The following CHAT variants were observed in gnomAD, a reference collection of about 807,000 sequenced individuals.
The protein encoded by CHAT is acetyl CoA:choline O-acetyltransferase.
A neutral mutation model predicts 76.9 loss-of-function variants in CHAT; 61 were observed. The ratio of observed to expected loss-of-function variants is 0.79; its 90% CI spans 0.65 to 0.98. The LOEUF (loss-of-function observed/expected upper bound fraction) is 0.98, where lower values mean the gene tolerates loss of function less well. CHAT is among the 50% of genes least tolerant of loss of function. The pLI, the probability that CHAT is intolerant of heterozygous loss-of-function variation, is 0.00. For synonymous variants in CHAT, 407 were observed against 397.4 expected (o/e 1.02, Z -0.29); for missense variants, 946 against 986.9 (o/e 0.96, Z 0.56).
intron 7 of CHAT, among the ~76,000 whole-genome samples, chr10:49,640,253 C>G (rs1839436110): frequency 6.6e-6 from 1 of 152,068 alleles, no homozygotes; most frequent in Non-Finnish European, 1.5e-5. Context: ...CTCAATGCAG[C>G]CTCCGCCTCC....
chr10:49,627,879 A>C, intron 7 of CHAT, 94 bp downstream of exon 7: 1 of 1,417,962 alleles, frequency 7.1e-7, no homozygotes, highest in Non-Finnish European at 9.6e-7. Context: ...CCTCATCCCC[A>C]TCAGCCATAG....
intron 7 of CHAT, among the ~76,000 whole-genome samples, chr10:49,640,746 T>C (rs1839452409): frequency 1.3e-5 from 2 of 152,322 alleles, no homozygotes; most frequent in Non-Finnish European, 2.9e-5. Flanking sequence ...TTTTTCTCTG[T>C]GGTGTTTGGC....
intron 8 of CHAT, among the ~76,000 whole-genome samples, chr10:49,647,501 T>TAG (rs1422629886): frequency 6.6e-6 from 1 of 152,244 alleles, no homozygotes; most frequent in African/African-American, 2.4e-5. Flanking sequence ...TAAGCATATC[T>TAG]AGACAACACC....
At chr10:49,643,926 A>C (rs1018131327) in intron 7 of CHAT, among the ~76,000 whole-genome samples, 1 of 152,180 alleles carries the variant, frequency 6.6e-6, no homozygotes, top group African/African-American at 2.4e-5. Context: ...AGGGGCTGCA[A>C]GTGCTGACTG....
intron 2 of CHAT, 33 bp from the exon 3 acceptor site, chr10:49,619,690 CTA>C: frequency 6.3e-7 from 1 of 1,596,148 alleles, no homozygotes; most frequent in Non-Finnish European, 8.5e-7. Flanking sequence ...GGCGCACATA[CTA>C]GAGGCACAAT....
chr10:49,641,018 A>T (rs1839462054), intron 7 of CHAT, among the ~76,000 whole-genome samples: 1 of 152,172 alleles, frequency 6.6e-6, no homozygotes, highest in Non-Finnish European at 1.5e-5. Flanking sequence ...ACAGACATTT[A>T]TTTCTCACAG....
chr10:49,651,592 A>G, intron 10 of CHAT: 1 of 425,584 alleles, frequency 2.3e-6, no homozygotes, highest in South Asian at 2.3e-5. Flanking sequence ...TTAATCCCTG[A>G]CTCACTAACA....
At chr10:49,660,443 G>GAA (rs58309202) in intron 13 of CHAT, among the ~76,000 whole-genome samples, 2 of 142,980 alleles carry the variant, frequency 1.4e-5, no homozygotes, top group Non-Finnish European at 3.0e-5. Context: ...CTCCATCTCA[G>GAA]AAAAAAAAAA....
rs542644474 is a variant in CHAT, at chr10:49,665,195, G to T, written c.*149G>T. ...CCATACAGAGACATCACACAGAGCC[G>T]GAGTGTTAGGAGGAAAGGGTCCCCT... On this transcript the variant is annotated 3_prime_UTR_variant, in exon 15 of 15. Coordinates refer to ENST00000337653, the MANE Select transcript of CHAT (RefSeq NM_020549.5). 48 of 853,024 alleles carry T rather than the reference G, an allele frequency of 5.6e-5. No homozygotes were observed. Among genetic ancestry groups the T allele is most frequent in the Admixed American group, 9.9e-5 (5 of 50,616 alleles). The allele number at this position is 853,024 out of a possible 1,614,324, so 52.8% of individuals were successfully genotyped here. A position where few individuals can be genotyped will look rare whatever the true frequency, so the allele number is the denominator to read the frequency against.
intron 4 of CHAT, among the ~76,000 whole-genome samples, chr10:49,621,474 T>C (rs1838705755): frequency 6.6e-6 from 1 of 152,202 alleles, no homozygotes; most frequent in Admixed American, 6.5e-5. Flanking sequence ...AGGCCCAGAA[T>C]CCTGGTATGA....
intron 7 of CHAT, among the ~76,000 whole-genome samples, chr10:49,634,937 A>T (rs1158008259): frequency 2.0e-5 from 3 of 152,192 alleles, no homozygotes; most frequent in African/African-American, 7.2e-5. Flanking sequence ...TAATACAGAG[A>T]TCTCATATGT....
upstream of CHAT, chr10:49,611,489 C>T (rs1468050617): frequency 6.2e-7 from 1 of 1,600,010 alleles, no homozygotes; most frequent in East Asian, 2.2e-5. Context: ...GTGCTAGCTG[C>T]CGTGTCGCTC....
At chr10:49,645,400 A>C (rs1161931998) in intron 7 of CHAT, among the ~76,000 whole-genome samples, 1 of 152,194 alleles carries the variant, frequency 6.6e-6, no homozygotes, top group Non-Finnish European at 1.5e-5. Context: ...TTAAACCAAA[A>C]TGTTAAACTT....
At chr10:49,612,290 C>G, upstream of CHAT, 1 of 1,612,144 alleles carries the variant, frequency 6.2e-7, no homozygotes, top group South Asian at 1.1e-5. Context: ...CCGCCTGGCC[C>G]TTTTGATGCG....
intron 7 of CHAT, among the ~76,000 whole-genome samples, chr10:49,630,411 G>A (rs1057341059): frequency 1.3e-5 from 2 of 152,180 alleles, no homozygotes; most frequent in Admixed American, 6.5e-5. Flanking sequence ...CAGGGGACCC[G>A]GCTTGGCAAC....
intron 4 of CHAT, among the ~76,000 whole-genome samples, chr10:49,621,735 T>A (rs1472730730): frequency 6.6e-6 from 1 of 152,068 alleles, no homozygotes; most frequent in African/African-American, 2.4e-5. Context: ...CTCTGCTCCC[T>A]CTCCTCTTCA....
At position 49,665,957 on chromosome 10, in the gene CHAT, G is replaced by C. The variant is rs1018076520; in HGVS notation, c.*911G>C. ...TCCTACATGCTCCAGTAGGTGAAGA[G>C]AGATGGTTACTTTGGGTTTTTCCAT... On this transcript the variant is annotated 3_prime_UTR_variant, in exon 15 of 15. Transcript: ENST00000337653. 3.3e-5 allele frequency among the ~76,000 whole-genome samples: 5 copies of C among 152,204 alleles called. No homozygotes were observed. The highest frequency in any genetic ancestry group is 5.9e-5 in the Non-Finnish European group (4 of 68,046).
intron 11 of CHAT, 146 bp downstream of exon 11, chr10:49,652,152 A>T: frequency 8.9e-7 from 1 of 1,118,444 alleles, no homozygotes; most frequent in South Asian, 1.4e-5. Context: ...ATGAAGGAGG[A>T]GCAGACTGAA....
chr10:49,661,127 A>G (rs2132848759), intron 13 of CHAT: 1 of 152,348 alleles, frequency 6.6e-6, no homozygotes, highest in Non-Finnish European at 1.5e-5. Flanking sequence ...GGCACCAGGC[A>G]TATAGTAGGC....
Sources: allele counts gnomAD v4.1 joint callset (sites outside exome capture counted in the v4.1 genomes callset), GRCh38; gene constraint gnomAD v4.1.1; transcripts MANE v1.5; gene names NCBI Gene and HGNC (gene_info 2026-07-23, HGNC 2026-07-21).